The following SPATA6 variants were observed in gnomAD, a reference collection of about 807,000 sequenced individuals.
SPATA6 encodes the protein spermatogenesis-associated protein 6.
In SPATA6, 56 loss-of-function variants were observed where a neutral mutation model predicts 65.3. That is an observed-to-expected ratio of 0.86 (90% CI 0.69 to 1.07). The LOEUF is 1.07. SPATA6 is among the 50% of genes least tolerant of loss of function. The pLI, the probability that SPATA6 is intolerant of heterozygous loss-of-function variation, is 0.00. For missense variants in SPATA6, 590 were observed against 594.8 expected (o/e 0.99, Z 0.08); for synonymous variants, 199 against 213.2 (o/e 0.93, Z 0.58).
the SPATA6 span, among the ~76,000 whole-genome samples, chr1:48,266,325 T>C: frequency 3.9e-5 from 6 of 152,180 alleles, no homozygotes; most frequent in Non-Finnish European, 7.4e-5. Context: ...CTATAGACTA[T>C]TTATGAGAAA....
rs761355984 is a variant in SPATA6 at position 48,299,516 on chromosome 1, G to GGAAAAAAAA, written c.1287-624_1287-623insTTTTTTTTC. ...ACAACAAGAGCAAAACTCCGTCTCG[G>GGAAAAAAAA]AAAAAAAAAAAAAAAAAAAAAGAAT... On this transcript the variant is annotated intron_variant, in intron 12 of 12. Coordinates refer to ENST00000371847, the MANE Select transcript of SPATA6 (RefSeq NM_019073.4). Among the ~76,000 whole-genome samples the GGAAAAAAAA allele has an allele frequency of 1.0e-4, 4 of 38,202 alleles. No homozygotes were observed. The East Asian group carries it at 3.7e-3, about 35-fold the overall frequency. The allele number at this position is 38,202 out of a possible 152,430, so 25.1% of individuals were successfully genotyped here.
chr1:48,362,823 A>C (rs1646856090), intron 9 of SPATA6, among the ~76,000 whole-genome samples: 1 of 152,140 alleles, frequency 6.6e-6, no homozygotes, highest in African/African-American at 2.4e-5. Flanking sequence ...AAAATGAATA[A>C]TAGTTGGGCT....
chr1:48,369,927 C>T (rs572633297), intron 9 of SPATA6, among the ~76,000 whole-genome samples: 2 of 152,326 alleles, frequency 1.3e-5, no homozygotes, highest in South Asian at 4.1e-4. Context: ...TGGCTCCACC[C>T]TCAAAAGGAA....
At chr1:48,273,322 C>T in the SPATA6 span, among the ~76,000 whole-genome samples, 1 of 151,964 alleles carries the variant, frequency 6.6e-6, no homozygotes, top group Non-Finnish European at 1.5e-5. Context: ...TGTTTTGGCA[C>T]TTGGATATAC....
At chr1:48,444,107 C>T (rs927693482) in intron 3 of SPATA6, among the ~76,000 whole-genome samples, 1 of 152,178 alleles carries the variant, frequency 6.6e-6, no homozygotes, top group Non-Finnish European at 1.5e-5. Flanking sequence ...AGAGGTGAAG[C>T]CAGCTGGATT....
At position 48,402,257 on chromosome 1, in the gene SPATA6, G is replaced by T. The variant is rs188728888; in HGVS notation, c.486+1545C>A. ...TGAATGGGTAATGGTTTTACATTTAGAAATGGCTTTCACCAAGCTGTACCC... is the reference window on the plus strand; with the variant it reads ...TGAATGGGTAATGGTTTTACATTTATAAATGGCTTTCACCAAGCTGTACCC... On this transcript the variant is annotated intron_variant, in intron 6 of 12. Coordinates refer to ENST00000371847, the MANE Select transcript of SPATA6 (RefSeq NM_019073.4). Among the ~76,000 whole-genome samples the T allele has an allele frequency of 3.3e-5, 5 of 152,204 alleles. No homozygotes were observed. The East Asian group carries it at 7.7e-4, about 24-fold the overall frequency.
the SPATA6 span, among the ~76,000 whole-genome samples, chr1:48,279,538 T>C: frequency 1.3e-5 from 2 of 152,082 alleles, no homozygotes; most frequent in Non-Finnish European, 2.9e-5. Context: ...AATCCTAGTC[T>C]CTGATAAAAC....
chr1:48,440,634 A>G (rs1008909908), intron 3 of SPATA6, among the ~76,000 whole-genome samples: 1 of 152,206 alleles, frequency 6.6e-6, no homozygotes, highest in Non-Finnish European at 1.5e-5. Context: ...GAATTATTCA[A>G]TGATGTCCAC....
intron 11 of SPATA6, among the ~76,000 whole-genome samples, chr1:48,311,733 G>A (rs1336057433): frequency 6.6e-6 from 1 of 152,176 alleles, no homozygotes; most frequent in Non-Finnish European, 1.5e-5. Context: ...AGGACAGTGG[G>A]TGCAGTGCAC....
chr1:48,298,538 TA>T lies in SPATA6; in HGVS notation c.*174del, dbSNP rs1299328086. 3.4e-6 allele frequency: 2 copies of T among 580,130 alleles called. No individual in the cohort carries two copies. The highest frequency in any genetic ancestry group is 1.9e-5 in the African/African-American group (1 of 53,172). 35.9% of individuals were successfully genotyped at this position (580,130 alleles called of 1,614,324 possible). On this transcript the variant is annotated 3_prime_UTR_variant, in exon 13 of 13. Coordinates refer to ENST00000371847, the MANE Select transcript of SPATA6 (RefSeq NM_019073.4). ...GCAGACTCTTCTGTAATAATTATTT[TA>T]AAAGGCTTGCCTATGATAATTTACC...
intron 12 of SPATA6, among the ~76,000 whole-genome samples, chr1:48,303,516 G>T (rs1644989258): frequency 6.6e-6 from 1 of 152,120 alleles, no homozygotes; most frequent in African/African-American, 2.4e-5. Context: ...ATGAGAACAT[G>T]CAACATTTGT....
the SPATA6 span, among the ~76,000 whole-genome samples, chr1:48,275,449 C>A: frequency 1.3e-5 from 2 of 152,086 alleles, no homozygotes; most frequent in South Asian, 2.1e-4. Context: ...CAGCTTTTGC[C>A]CATTCAGTAT....
the SPATA6 span, among the ~76,000 whole-genome samples, chr1:48,280,624 T>C: frequency 2.6e-5 from 4 of 151,918 alleles, no homozygotes; most frequent in African/African-American, 9.7e-5. Flanking sequence ...CCTCCCAAGA[T>C]TAAACCAGGA....
intron 11 of SPATA6, among the ~76,000 whole-genome samples, chr1:48,342,712 T>C (rs1646255152): frequency 6.6e-6 from 1 of 151,838 alleles, no homozygotes; most frequent in Non-Finnish European, 1.5e-5. Flanking sequence ...GCAGAGAGTG[T>C]AGTGACTGAA....
intron 9 of SPATA6, among the ~76,000 whole-genome samples, chr1:48,384,693 G>T (rs1051729743): frequency 1.3e-5 from 2 of 152,026 alleles, no homozygotes; most frequent in Non-Finnish European, 2.9e-5. Context: ...TTAGCTATTG[G>T]TATATCTTTT....
intron 11 of SPATA6, among the ~76,000 whole-genome samples, chr1:48,351,430 G>A (rs1570252644): frequency 6.6e-6 from 1 of 152,024 alleles, no homozygotes; most frequent in East Asian, 1.9e-4. Flanking sequence ...TCACCAGTGA[G>A]CATAATGTTA....
chr1:48,366,969 A>G (rs912796187), intron 9 of SPATA6, among the ~76,000 whole-genome samples: 6 of 151,856 alleles, frequency 4.0e-5, no homozygotes, highest in East Asian at 1.9e-4. Flanking sequence ...TGCTTTGAAT[A>G]TGTCCCAGAG....
chr1:48,359,830 A>G lies in SPATA6; in HGVS notation c.910-60T>C, dbSNP rs962605924. The G allele has an allele frequency of 7.6e-6, 10 of 1,309,604 alleles. 1 individual carries two copies. In the African/African-American group the frequency reaches 1.5e-4, roughly 20 times the overall value. 81.1% of individuals were successfully genotyped at this position (1,309,604 alleles called of 1,614,324 possible). On this transcript the variant is annotated intron_variant, in intron 9 of 12. Transcript: ENST00000371847. ...ATACAGATACATATGTATATAACAT[A>G]TTATATAGTAATATAGTATGCATAG...
chr1:48,265,555 G>A, the SPATA6 span, among the ~76,000 whole-genome samples: 1 of 151,952 alleles, frequency 6.6e-6, no homozygotes, highest in Non-Finnish European at 1.5e-5. Flanking sequence ...ATGGTGAAGA[G>A]GCTAACACAA....
Sources: gnomAD v4.1 joint callset for allele counts (sites outside exome capture counted in the v4.1 genomes callset) on GRCh38, gnomAD v4.1.1 for gene constraint, MANE v1.5 for transcripts, NCBI Gene and HGNC (gene_info 2026-07-23, HGNC 2026-07-21) for gene names.